The following MARCHF6 variants were observed in gnomAD, a reference collection of about 807,000 sequenced individuals.
MARCHF6 encodes E3 ubiquitin-protein ligase MARCHF6.
A neutral mutation model predicts 133.7 loss-of-function variants in MARCHF6; 31 were observed. The observed-to-expected ratio is 0.23, with a 90% CI of 0.17 to 0.31. MARCHF6 has a LOEUF of 0.31. Among genes scored for constraint, MARCHF6 ranks in the 10% least tolerant of loss-of-function variants. The pLI, the probability that MARCHF6 is intolerant of heterozygous loss-of-function variation, is 1.00. For missense variants in MARCHF6, 723 were observed against 1,121.6 expected (o/e 0.64, Z 5.08); for synonymous variants, 395 against 402.5 (o/e 0.98, Z 0.22).
In MARCHF6 at chr5:10,391,550, A is replaced by G. The variant is rs1001114215; in HGVS notation, c.585A>G (p.Ala195=). 1 of 1,599,174 alleles carries G rather than the reference A, an allele frequency of 6.3e-7. No individual in the cohort carries two copies. The highest frequency in any genetic ancestry group is 8.5e-7 in the Non-Finnish European group (1 of 1,172,474). ...AAGHHQNEAP[A]GGNGAENVAA... is the part of the protein sequence containing the mutation. ...CTTTTCTGTGATTTTAGGCTCCAGC[A>G]GGAGGAAATGGTGCAGAAAATGTTG... The change falls in exon 7 of 26, where the codon GCA becomes GCG. Residue 195 remains alanine, a synonymous_variant. Coordinates refer to ENST00000274140, the MANE Select transcript of MARCHF6 (RefSeq NM_005885.4).
Position 10,435,246 on chromosome 5 carries a change from C to T in MARCHF6, c.*1562C>T, listed in dbSNP as rs1468408606. 2 of 152,278 alleles carry T rather than the reference C, an allele frequency of 1.3e-5. No homozygotes were observed. Among genetic ancestry groups the T allele is most frequent in the Non-Finnish European group, 2.9e-5 (2 of 67,972 alleles). 9.4% of individuals were successfully genotyped at this position (152,278 alleles called of 1,614,324 possible). On this transcript the variant is annotated 3_prime_UTR_variant, in exon 26 of 26. Coordinates refer to ENST00000274140, the MANE Select transcript of MARCHF6 (RefSeq NM_005885.4). Reference sequence around the variant, plus strand: ...TGTTTTATACTTCAACAATTTTTTCCCTAAGTGGTAAGCAATTACTTTAAA... The same window carrying T: ...TGTTTTATACTTCAACAATTTTTTCTCTAAGTGGTAAGCAATTACTTTAAA...
chr5:10,360,998 T>G (rs13155132), intron 1 of MARCHF6, among the ~76,000 whole-genome samples: 126,597 of 152,200 alleles, frequency 0.83, 53,860 homozygotes, highest in Non-Finnish European at 0.9. Context: ...TATAATACAG[T>G]TAGAACAGAA....
At chr5:10,405,344 T>G (rs1033714326) in intron 15 of MARCHF6, among the ~76,000 whole-genome samples, 4 of 152,168 alleles carry the variant, frequency 2.6e-5, no homozygotes, top group Non-Finnish European at 5.9e-5. Context: ...CCCTAGTGAA[T>G]GATGATGTCA....
At chr5:10,394,858 G>GGC in intron 9 of MARCHF6, 73 bp downstream of exon 9, 1 of 956,006 alleles carries the variant, frequency 1.0e-6, no homozygotes, top group South Asian at 1.5e-5. Context: ...GGACTGCAGT[G>GGC]GCGTGATCTT....
Position 10,353,775 on chromosome 5 carries a change from T to C in MARCHF6, c.-124T>C. 1 of 711,270 alleles carries C rather than the reference T, an allele frequency of 1.4e-6. No individual in the cohort carries two copies. Among genetic ancestry groups the C allele is most frequent in the East Asian group, 4.4e-5 (1 of 22,642 alleles). The allele number at this position is 711,270 out of a possible 1,614,324, so 44.1% of individuals were successfully genotyped here. On this transcript the variant is annotated 5_prime_UTR_variant, in exon 1 of 26. Coordinates refer to ENST00000274140, the MANE Select transcript of MARCHF6 (RefSeq NM_005885.4). The stretch of plus-strand genomic sequence containing the variant: ...CCCTCTCCCCTCTCCTTCCTCTCGC[T>C]TCCTCTCTCGCACCTGAGCGTACGC...
intron 1 of MARCHF6, among the ~76,000 whole-genome samples, chr5:10,356,857 G>A (rs1268842399): frequency 1.3e-5 from 2 of 152,154 alleles, no homozygotes; most frequent in Non-Finnish European, 2.9e-5. Context: ...TGCTCAGAAT[G>A]TTATGCATTT....
At chr5:10,357,859 CAAAAT>C (rs1245088378) in intron 1 of MARCHF6, among the ~76,000 whole-genome samples, 1 of 150,730 alleles carries the variant, frequency 6.6e-6, no homozygotes, top group East Asian at 1.9e-4. Context: ...TAGCTTAAGA[CAAAAT>C]AAACATGTAA....
At chr5:10,431,659 A>G (rs889836879) in intron 25 of MARCHF6, among the ~76,000 whole-genome samples, 2 of 149,276 alleles carry the variant, frequency 1.3e-5, no homozygotes, top group South Asian at 2.1e-4. Flanking sequence ...GTGAGAGTGT[A>G]TGTGTGTGTG....
intron 1 of MARCHF6, among the ~76,000 whole-genome samples, chr5:10,358,887 A>C (rs1013046423): frequency 6.6e-6 from 1 of 152,252 alleles, no homozygotes; most frequent in South Asian, 2.1e-4. Context: ...CATGTAATGG[A>C]GACTGTACAT....
At chr5:10,418,531 A>G (rs556830923) in intron 22 of MARCHF6, among the ~76,000 whole-genome samples, 2 of 152,324 alleles carry the variant, frequency 1.3e-5, no homozygotes, top group East Asian at 3.9e-4. Flanking sequence ...TCAAGTTCTT[A>G]GTAGGTATTG....
chr5:10,390,228 GT>G (rs11449510), intron 5 of MARCHF6, 103 bp from the exon 6 acceptor site: 2,200 of 652,608 alleles, frequency 3.4e-3, no homozygotes, highest in East Asian at 9.4e-3. Context: ...TCTTCTGGCT[GT>G]TTTTTTTTTT....
chr5:10,423,291 C>T (rs1031139304), intron 22 of MARCHF6, among the ~76,000 whole-genome samples: 1 of 152,112 alleles, frequency 6.6e-6, no homozygotes, highest in Non-Finnish European at 1.5e-5. Context: ...CCAGTAGAAC[C>T]ACAAATGCTT....
chr5:10,373,793 C>A (rs1475159406), intron 1 of MARCHF6, among the ~76,000 whole-genome samples: 4 of 152,130 alleles, frequency 2.6e-5, no homozygotes, highest in South Asian at 4.1e-4. Flanking sequence ...ACACTTGCAC[C>A]CACCCTCCCT....
At chr5:10,355,269 A>C (rs956040015) in intron 1 of MARCHF6, among the ~76,000 whole-genome samples, 2 of 152,238 alleles carry the variant, frequency 1.3e-5, no homozygotes, top group South Asian at 4.1e-4. Flanking sequence ...GAAGGTTGCG[A>C]ACTATTTCTT....
intron 5 of MARCHF6, among the ~76,000 whole-genome samples, chr5:10,387,667 A>C (rs1737573911): frequency 6.6e-6 from 1 of 151,840 alleles, no homozygotes. Flanking sequence ...ATGTTCACAA[A>C]AGTTTTTTTG....
rs1483347766 is a variant in MARCHF6 at position 10,435,702 on chromosome 5, T to A, written c.*2018T>A. 3.0e-5 allele frequency: 1 copy of A among 33,488 alleles called. No individual in the cohort carries two copies. The highest frequency in any genetic ancestry group is 6.2e-5 in the Non-Finnish European group (1 of 16,236). 2.1% of individuals were successfully genotyped at this position (33,488 alleles called of 1,614,324 possible). ...ATATATATATATATATATATATTTTTTTTTTTTTTTTTTTTTTTTTTTTTT... is the reference window on the plus strand; with the variant it reads ...ATATATATATATATATATATATTTTATTTTTTTTTTTTTTTTTTTTTTTTT... On this transcript the variant is annotated 3_prime_UTR_variant, in exon 26 of 26. Coordinates refer to ENST00000274140, the MANE Select transcript of MARCHF6 (RefSeq NM_005885.4).
At chr5:10,415,174 A>AT (rs932558213) in intron 20 of MARCHF6, among the ~76,000 whole-genome samples, 1 of 152,204 alleles carries the variant, frequency 6.6e-6, no homozygotes, top group Admixed American at 6.5e-5. Context: ...TCATTTGGTG[A>AT]TAAAAACAAT....
intron 1 of MARCHF6, among the ~76,000 whole-genome samples, chr5:10,368,574 T>C (rs1736275198): frequency 6.6e-6 from 1 of 151,950 alleles, no homozygotes; most frequent in South Asian, 2.1e-4. Context: ...GGAGTGTTTT[T>C]TGTTTGTTTG....
chr5:10,386,111 T>C (rs1737459945), intron 4 of MARCHF6, among the ~76,000 whole-genome samples: 1 of 152,062 alleles, frequency 6.6e-6, no homozygotes, highest in Non-Finnish European at 1.5e-5. Context: ...AAACATTTGG[T>C]TTGTCAGTTT....
Sources: gnomAD v4.1 joint callset for allele counts (sites outside exome capture counted in the v4.1 genomes callset) on GRCh38, gnomAD v4.1.1 for gene constraint, MANE v1.5 for transcripts, NCBI Gene and HGNC (gene_info 2026-07-23, HGNC 2026-07-21) for gene names.